PCDHA2: variants seen among roughly 807,000 people sequenced by gnomAD.
The protein encoded by PCDHA2 is protocadherin alpha 2.
A neutral mutation model predicts 66.0 loss-of-function variants in PCDHA2; 58 were observed. The observed-to-expected ratio is 0.88, with a 90% CI of 0.71 to 1.09. The LOEUF (loss-of-function observed/expected upper bound fraction) is 1.09, where lower values mean the gene tolerates loss of function less well. Among genes scored for constraint, PCDHA2 ranks in the 50% least tolerant of loss-of-function variants. The pLI is 0.00. For synonymous variants in PCDHA2, 634 were observed against 554.0 expected (o/e 1.14, Z -2.03); for missense variants, 1,267 against 1,242.3 (o/e 1.02, Z -0.30).
intron 1 of PCDHA2, among the ~76,000 whole-genome samples, chr5:140,937,039 C>CTTT (rs34994034): frequency 3.6e-5 from 5 of 140,162 alleles, no homozygotes; most frequent in African/African-American, 5.3e-5. Context: ...TTCCATTTAT[C>CTTT]TTTTTTTTTT....
chr5:140,836,229 G>C, intron 1 of PCDHA2: 1 of 1,613,818 alleles, frequency 6.2e-7, no homozygotes, highest in Non-Finnish European at 8.5e-7. Flanking sequence ...ACCGGTGGCG[G>C]CCGGTGCGAG....
intron 1 of PCDHA2, chr5:140,842,931 C>A: frequency 1.3e-6 from 2 of 1,594,502 alleles, no homozygotes; most frequent in Non-Finnish European, 1.7e-6. Flanking sequence ...CAGGTGAGCG[C>A]GCGCGACGCG....
intron 1 of PCDHA2, chr5:140,967,990 G>C: frequency 6.2e-7 from 1 of 1,614,232 alleles, no homozygotes; most frequent in Non-Finnish European, 8.5e-7. Flanking sequence ...AGGCCACACT[G>C]CCTTTCCGAC....
intron 1 of PCDHA2, chr5:140,842,066 G>A: frequency 6.2e-7 from 1 of 1,613,874 alleles, no homozygotes; most frequent in Non-Finnish European, 8.5e-7. Flanking sequence ...TGAATACGAA[G>A]TAAGAATATT....
chr5:140,937,644 G>A (rs1554211697), intron 1 of PCDHA2, among the ~76,000 whole-genome samples: 1 of 151,048 alleles, frequency 6.6e-6, no homozygotes, highest in African/African-American at 2.4e-5. Flanking sequence ...AGGGCATGGT[G>A]GCTCACGCCT....
chr5:140,858,574 T>C (rs1415497561), intron 1 of PCDHA2: 12 of 1,357,674 alleles, frequency 8.8e-6, no homozygotes, highest in Non-Finnish European at 1.0e-5. Context: ...GTGATACCTT[T>C]GTAATATAAT....
rs185767188 is a variant in PCDHA2 at position 140,858,268 on chromosome 5, T to C, written c.2388+60916T>C. On this transcript the variant is annotated intron_variant, in intron 1 of 3. Transcript: ENST00000526136. ...CGGTGAAGCCCACGCTGGTGTGCTC[T>C]AGCGCGGTGGGGAGCTGGTCTTACT... The C allele has an allele frequency of 2.5e-3, 4,023 of 1,597,108 alleles. 314 individuals carry two copies. Among genetic ancestry groups the C allele is most frequent in the Middle Eastern group, 0.01 (61 of 5,954 alleles).
At chr5:140,870,122 T>G in intron 1 of PCDHA2, 1 of 1,613,956 alleles carries the variant, frequency 6.2e-7, no homozygotes. Flanking sequence ...GTGGAAATCT[T>G]GGACACCAAC....
chr5:140,908,430 C>T (rs543426512), intron 1 of PCDHA2, among the ~76,000 whole-genome samples: 56 of 152,262 alleles, frequency 3.7e-4, no homozygotes, highest in Admixed American at 7.2e-4. Flanking sequence ...TGCTGCTGTG[C>T]GCACCCCACT....
intron 1 of PCDHA2, chr5:140,801,302 C>G (rs905551581): frequency 6.2e-7 from 1 of 1,613,482 alleles, no homozygotes; most frequent in East Asian, 2.2e-5. Flanking sequence ...ACTACTCCGT[C>G]TCTGAGGAGG....
intron 1 of PCDHA2, chr5:140,834,639 G>C (rs2150223224): frequency 3.1e-6 from 5 of 1,614,100 alleles, no homozygotes; most frequent in African/African-American, 1.3e-5. Context: ...CATTTTGTTT[G>C]TGAATTCTCG....
intron 1 of PCDHA2, chr5:140,883,677 C>T (rs112867183): frequency 1.2e-6 from 2 of 1,613,726 alleles, no homozygotes. Flanking sequence ...AACAATCCGC[C>T]GGGCTGCCAC....
At chr5:140,935,520 G>A (rs1404556030) in intron 1 of PCDHA2, among the ~76,000 whole-genome samples, 1 of 152,154 alleles carries the variant, frequency 6.6e-6, no homozygotes, top group Non-Finnish European at 1.5e-5. Context: ...CAGTAGGCAT[G>A]TACAGTCAAA....
At chr5:140,815,038 A>AT (rs1226281271) in intron 1 of PCDHA2, 3 of 152,070 alleles carry the variant, frequency 2.0e-5, no homozygotes, top group Non-Finnish European at 4.4e-5. Context: ...TTTGCATGAA[A>AT]TTTTTTTAAT....
At chr5:140,955,480 C>T (rs940139413) in intron 1 of PCDHA2, among the ~76,000 whole-genome samples, 3 of 152,088 alleles carry the variant, frequency 2.0e-5, no homozygotes, top group African/African-American at 7.2e-5. Flanking sequence ...GGCACCTCTC[C>T]TTCCTGCCAC....
At chr5:140,927,158 C>G in intron 1 of PCDHA2, 1 of 1,614,166 alleles carries the variant, frequency 6.2e-7, no homozygotes, top group Non-Finnish European at 8.5e-7. Context: ...CTGTGCAGGG[C>G]CAAAGCTGCC....
At chr5:140,844,257 G>C (rs1328189428) in intron 1 of PCDHA2, among the ~76,000 whole-genome samples, 7 of 149,406 alleles carry the variant, frequency 4.7e-5, no homozygotes, top group African/African-American at 1.7e-4. Context: ...AAGCAGTGTA[G>C]TGATAAAATA....
chr5:140,836,128 C>T (rs2150253454), intron 1 of PCDHA2: 10 of 1,613,624 alleles, frequency 6.2e-6, no homozygotes, highest in South Asian at 1.1e-5. Flanking sequence ...GAGCTTGTGC[C>T]GCGGTCTGTG....
At chr5:140,829,217 G>A in intron 1 of PCDHA2, 4 of 1,614,204 alleles carry the variant, frequency 2.5e-6, no homozygotes, top group East Asian at 4.5e-5. Flanking sequence ...TAGCGTGAAC[G>A]ACCTCGATTC....
Sources: gnomAD v4.1 joint callset for allele counts (sites outside exome capture counted in the v4.1 genomes callset) on GRCh38, gnomAD v4.1.1 for gene constraint, MANE v1.5 for transcripts, NCBI Gene and HGNC (gene_info 2026-07-23, HGNC 2026-07-21) for gene names.